Variants in HCN1 observed in about 807,000 individuals in gnomAD.
The protein encoded by HCN1 is potassium/sodium hyperpolarization-activated cyclic nucleotide-gated channel 1.
A neutral mutation model predicts 78.9 loss-of-function variants in HCN1; 13 were observed. The ratio of observed to expected loss-of-function variants is 0.16; its 90% CI spans 0.11 to 0.26. The LOEUF (loss-of-function observed/expected upper bound fraction) is 0.26, where lower values mean the gene tolerates loss of function less well. Ranked by LOEUF, HCN1 falls within the 10% of genes least tolerant of loss-of-function variation. The probability of loss-of-function intolerance (pLI) is 1.00; values close to 1 mark genes in which losing one functional copy is unlikely to be tolerated. For missense variants in HCN1, 810 were observed against 1,154.3 expected (o/e 0.70, Z 4.32); for synonymous variants, 552 against 455.5 (o/e 1.21, Z -2.70).
At chr5:45,281,448 T>C (rs1251484830) in intron 6 of HCN1, among the ~76,000 whole-genome samples, 1 of 152,090 alleles carries the variant, frequency 6.6e-6, no homozygotes, top group Non-Finnish European at 1.5e-5. Flanking sequence ...ATCAATTAAA[T>C]TTCTTTTCTT....
intron 3 of HCN1, among the ~76,000 whole-genome samples, chr5:45,449,657 A>T (rs1740874562): frequency 6.6e-6 from 1 of 151,002 alleles, no homozygotes; most frequent in Non-Finnish European, 1.5e-5. Flanking sequence ...AGCATGCTAG[A>T]TTTCCATGTA....
In HCN1 at chr5:45,262,589, T is replaced by C. The variant is rs1433945121; in HGVS notation, c.2005A>G (p.Thr669Ala). 6.2e-7 allele frequency: 1 copy of C among 1,613,768 alleles called. No individual in the cohort carries two copies. Among genetic ancestry groups the C allele is most frequent in the African/African-American group, 1.3e-5 (1 of 74,842 alleles). Residue 669 changes from threonine to alanine, a missense_variant, in exon 8 of 8, where the codon ACA becomes GCA. Coordinates refer to ENST00000303230, the MANE Select transcript of HCN1 (RefSeq NM_021072.4). ...TTGCTGTGAGACAGGCTGGTCGCTG[T>C]GTACACCGGTGGAGATTGTGTCCTC... ...RMRTQSPPVY[T>A]ATSLSHSNLH...
chr5:45,345,338 TA>T (rs1266842405), intron 5 of HCN1, among the ~76,000 whole-genome samples: 1 of 152,134 alleles, frequency 6.6e-6, no homozygotes, highest in Non-Finnish European at 1.5e-5. Flanking sequence ...GCCCTGGAGA[TA>T]TTTTCTCCAT....
intron 3 of HCN1, among the ~76,000 whole-genome samples, chr5:45,421,594 A>G (rs531996299): frequency 1.8e-3 from 270 of 152,356 alleles, no homozygotes; most frequent in Non-Finnish European, 2.9e-3. Context: ...CCAACAGTAT[A>G]TTCCAAAAAA....
intron 4 of HCN1, among the ~76,000 whole-genome samples, chr5:45,388,092 G>A (rs756675400): frequency 6.6e-6 from 1 of 152,054 alleles, no homozygotes; most frequent in African/African-American, 2.4e-5. Context: ...AAATACAGAC[G>A]ATTTTAGGCC....
At chr5:45,462,484 A>G (rs975229760) in intron 2 of HCN1, among the ~76,000 whole-genome samples, 25 of 152,236 alleles carry the variant, frequency 1.6e-4, no homozygotes, top group African/African-American at 5.8e-4. Context: ...TAATATTGAT[A>G]ATAAATTACA....
chr5:45,347,677 G>C (rs572769139), intron 5 of HCN1, among the ~76,000 whole-genome samples: 2 of 152,314 alleles, frequency 1.3e-5, no homozygotes, highest in South Asian at 4.1e-4. Flanking sequence ...TAAAGGAGCT[G>C]ATGGAGCTGA....
At position 45,571,491 on chromosome 5, in the gene HCN1, T is replaced by C. The variant is rs185066647; in HGVS notation, c.849+73694A>G. Among the ~76,000 whole-genome samples the C allele has an allele frequency of 5.1e-3, 780 of 152,264 alleles. 2 individuals carry two copies. Among genetic ancestry groups the C allele is most frequent in the Non-Finnish European group, 7.3e-3 (499 of 68,002 alleles). ...AACGCCAAAATAGACAAGCTAAGAA[T>C]GGTGGGGATGAAAGATGTCATCAAA... is the stretch of plus-strand genomic sequence containing the variant. On this transcript the variant is annotated intron_variant, in intron 2 of 7. Coordinates refer to ENST00000303230, the MANE Select transcript of HCN1 (RefSeq NM_021072.4).
intron 3 of HCN1, among the ~76,000 whole-genome samples, chr5:45,422,218 C>G (rs1046333226): frequency 6.6e-6 from 1 of 152,204 alleles, no homozygotes; most frequent in African/African-American, 2.4e-5. Flanking sequence ...AATCATACTT[C>G]TACATGACTG....
chr5:45,496,632 T>A (rs569121846), intron 2 of HCN1, among the ~76,000 whole-genome samples: 22 of 152,268 alleles, frequency 1.4e-4, no homozygotes, highest in Non-Finnish European at 2.8e-4. Context: ...TCTATCAATT[T>A]TGTTGATCCT....
chr5:45,324,875 A>G (rs995106129), intron 5 of HCN1, among the ~76,000 whole-genome samples: 4 of 151,956 alleles, frequency 2.6e-5, no homozygotes, highest in Middle Eastern at 3.4e-3. Context: ...GAAAATTAAA[A>G]TAAATAAACA....
At chr5:45,337,548 T>A (rs1746488635) in intron 5 of HCN1, among the ~76,000 whole-genome samples, 1 of 152,154 alleles carries the variant, frequency 6.6e-6, no homozygotes, top group Non-Finnish European at 1.5e-5. Context: ...CCTTATTTAT[T>A]GTGTACTTAT....
intron 4 of HCN1, among the ~76,000 whole-genome samples, chr5:45,385,249 T>TTGCTAG: frequency 1.3e-5 from 2 of 152,154 alleles, no homozygotes; most frequent in African/African-American, 4.8e-5. Context: ...GGGGACCTAA[T>TTGCTAG]ATCCCTTATT....
chr5:45,463,993 G>A (rs573103263), intron 2 of HCN1, among the ~76,000 whole-genome samples: 1 of 152,156 alleles, frequency 6.6e-6, no homozygotes, highest in South Asian at 2.1e-4. Context: ...TATACAGGCA[G>A]TGGCCATCAT....
intron 5 of HCN1, among the ~76,000 whole-genome samples, chr5:45,349,326 G>A (rs1482071203): frequency 6.6e-6 from 1 of 152,144 alleles, no homozygotes; most frequent in Non-Finnish European, 1.5e-5. Flanking sequence ...TGAAACCAAT[G>A]AGAACAAAGA....
intron 2 of HCN1, among the ~76,000 whole-genome samples, chr5:45,587,762 C>A (rs971378793): frequency 2.0e-5 from 3 of 152,094 alleles, no homozygotes; most frequent in African/African-American, 7.2e-5. Flanking sequence ...GAACATATGT[C>A]ATTAACTGAA....
chr5:45,303,936 T>C (rs1441613378), intron 5 of HCN1, 97 bp from the exon 6 acceptor site: 1 of 1,069,294 alleles, frequency 9.4e-7, no homozygotes, highest in African/African-American at 1.6e-5. Flanking sequence ...CATAACATTG[T>C]AATTTAAATT....
At chr5:45,635,228 A>G (rs1745335654) in intron 2 of HCN1, among the ~76,000 whole-genome samples, 1 of 152,050 alleles carries the variant, frequency 6.6e-6, no homozygotes. Flanking sequence ...TGAATTTTCC[A>G]TTTATCATTC....
intron 2 of HCN1, among the ~76,000 whole-genome samples, chr5:45,497,618 C>T (rs1304842125): frequency 6.6e-6 from 1 of 152,114 alleles, no homozygotes; most frequent in Non-Finnish European, 1.5e-5. Context: ...GATGGGTTTC[C>T]TGAATACAGC....
Sources: gnomAD v4.1 joint callset for allele counts (sites outside exome capture counted in the v4.1 genomes callset) on GRCh38, gnomAD v4.1.1 for gene constraint, MANE v1.5 for transcripts, NCBI Gene and HGNC (gene_info 2026-07-23, HGNC 2026-07-21) for gene names.